TNNI3K: variants seen among roughly 807,000 people sequenced by gnomAD.
The protein encoded by TNNI3K is TNNI3 interacting kinase, also known as serine/threonine-protein kinase TNNI3K.
TNNI3K carries 140 observed loss-of-function variants against 114.5 expected under a neutral mutation model. That is an observed-to-expected ratio of 1.22 (90% confidence interval 1.07 to 1.41). The LOEUF (loss-of-function observed/expected upper bound fraction) is 1.41, where lower values mean the gene tolerates loss of function less well. TNNI3K is among the 40% of genes most tolerant of loss of function. TNNI3K has a pLI of 0.00. For synonymous variants in TNNI3K, 347 were observed against 347.5 expected (o/e 1.00, Z 0.02); for missense variants, 1,125 against 1,007.6 (o/e 1.12, Z -1.58).
chr1:74,529,518 T>C (rs1385168078), intron 23 of TNNI3K, among the ~76,000 whole-genome samples: 1 of 152,234 alleles, frequency 6.6e-6, no homozygotes, highest in Non-Finnish European at 1.5e-5. Flanking sequence ...TGATTCTGAA[T>C]TAGATTCTTT....
At chr1:74,484,643 A>G (rs1177155155) in intron 21 of TNNI3K, among the ~76,000 whole-genome samples, 1 of 152,172 alleles carries the variant, frequency 6.6e-6, no homozygotes, top group Non-Finnish European at 1.5e-5. Context: ...GGTGGAGAGG[A>G]TCCAATGCAA....
At position 74,413,242 on chromosome 1, in the gene TNNI3K, G is replaced by A. The variant is rs370457182; in HGVS notation, c.1773-22838G>A. Reference sequence around the variant, plus strand: ...TCTAAAAAGCATAGAAATAAAAGTCGATACACTCAGGCTTGTCTGAAACAA... The same window carrying A: ...TCTAAAAAGCATAGAAATAAAAGTCAATACACTCAGGCTTGTCTGAAACAA... On this transcript the variant is annotated intron_variant, in intron 17 of 24. Transcript: ENST00000326637. 1.2e-3 allele frequency among the ~76,000 whole-genome samples: 186 copies of A among 152,128 alleles called. 3 individuals are homozygous for A. The South Asian group carries it at 0.019, about 15-fold the overall frequency.
intron 23 of TNNI3K, among the ~76,000 whole-genome samples, chr1:74,532,374 C>T (rs1319080144): frequency 6.6e-6 from 1 of 152,064 alleles, no homozygotes; most frequent in African/African-American, 2.4e-5. Context: ...AATCCAAAAC[C>T]CTTTAACTTA....
At chr1:74,451,709 T>C (rs866481665) in intron 20 of TNNI3K, among the ~76,000 whole-genome samples, 9 of 76,430 alleles carry the variant, frequency 1.2e-4, no homozygotes, top group Middle Eastern at 7.9e-3. Flanking sequence ...CTTTCTTTCT[T>C]TCTTTCTTTC....
At chr1:74,345,054 T>C (rs1193173861) in intron 9 of TNNI3K, among the ~76,000 whole-genome samples, 1 of 152,114 alleles carries the variant, frequency 6.6e-6, no homozygotes, top group Non-Finnish European at 1.5e-5. Context: ...CATGTATGTA[T>C]GCATGTATAT....
chr1:74,354,146 C>T lies in TNNI3K; in HGVS notation c.1177+17C>T, dbSNP rs370672244. 32 of 1,613,526 alleles carry T rather than the reference C, an allele frequency of 2.0e-5. No individual in the cohort carries two copies. The East Asian group carries it at 3.8e-4, about 19-fold the overall frequency. On this transcript the variant is annotated intron_variant, in intron 11 of 24. Transcript: ENST00000326637. ...ATGAAAAAGGTATATTTTTAATCAT[C>T]GTGTCTCTATAGTGATACATTGAAC...
intron 17 of TNNI3K, chr1:74,373,918 G>A (rs1465999788): frequency 6.6e-6 from 1 of 151,898 alleles, no homozygotes; most frequent in Admixed American, 6.6e-5. Flanking sequence ...CAGGGGATTG[G>A]TTCCAGGACC....
At chr1:74,352,014 G>T (rs1661377055) in intron 9 of TNNI3K, among the ~76,000 whole-genome samples, 1 of 152,178 alleles carries the variant, frequency 6.6e-6, no homozygotes, top group Non-Finnish European at 1.5e-5. Flanking sequence ...CTGGTGAGGA[G>T]CTGTGTTCCT....
chr1:74,509,757 T>C (rs1485946882), intron 23 of TNNI3K, among the ~76,000 whole-genome samples: 48 of 128,006 alleles, frequency 3.7e-4, no homozygotes, highest in African/African-American at 1.0e-3. Flanking sequence ...CTTTTTTTTT[T>C]TTTTTTTTTT....
At chr1:74,277,576 AAC>A (rs937818129) in intron 5 of TNNI3K, among the ~76,000 whole-genome samples, 2 of 152,096 alleles carry the variant, frequency 1.3e-5, no homozygotes, top group Admixed American at 6.5e-5. Context: ...ATGAGCACAC[AAC>A]ACACACACAC....
intron 6 of TNNI3K, among the ~76,000 whole-genome samples, chr1:74,332,494 G>T (rs1189827768): frequency 2.0e-5 from 3 of 151,956 alleles, no homozygotes; most frequent in Non-Finnish European, 4.4e-5. Flanking sequence ...TAGAGACGGG[G>T]TTTCACCATG....
At chr1:74,533,281 C>T (rs1447968636) in intron 23 of TNNI3K, among the ~76,000 whole-genome samples, 3 of 152,130 alleles carry the variant, frequency 2.0e-5, no homozygotes, top group Non-Finnish European at 4.4e-5. Flanking sequence ...CAAAAGAAGA[C>T]ATTTATGCAG....
At chr1:74,535,135 C>G (rs1049343171) in intron 23 of TNNI3K, among the ~76,000 whole-genome samples, 1 of 152,122 alleles carries the variant, frequency 6.6e-6, no homozygotes, top group Non-Finnish European at 1.5e-5. Context: ...CTCTGCCTTT[C>G]CAACATGCCA....
At position 74,236,202 on chromosome 1, in the gene TNNI3K, T is replaced by C. The variant is rs767822797; in HGVS notation, c.141T>C (p.Asn47=). 45 of 1,604,264 alleles carry C rather than the reference T, an allele frequency of 2.8e-5. No homozygotes were observed. The Admixed American group carries it at 7.6e-4, about 27-fold the overall frequency. Residue 47 remains asparagine (N), a synonymous_variant, in exon 2 of 25, where the codon AAT becomes AAC. Transcript: ENST00000326637. ...AAAAAGAACTGACAGAACTAAGGAA[T>C]ATATTTGGGTAAAGTTGTAAGAGTC... ...IKEKELTELR[N]IFGSDEAFSK...
intron 23 of TNNI3K, among the ~76,000 whole-genome samples, chr1:74,500,428 C>A (rs1430514377): frequency 6.6e-6 from 1 of 151,040 alleles, no homozygotes; most frequent in Non-Finnish European, 1.5e-5. Context: ...ACGGTGAAAC[C>A]CCGTCTCTAC....
intron 9 of TNNI3K, among the ~76,000 whole-genome samples, chr1:74,344,343 A>T (rs1047710970): frequency 6.6e-6 from 1 of 152,228 alleles, no homozygotes; most frequent in Non-Finnish European, 1.5e-5. Context: ...CAGAAGAGAA[A>T]ACTGAGGCTC....
intron 17 of TNNI3K, among the ~76,000 whole-genome samples, chr1:74,409,160 C>T (rs1664760531): frequency 6.6e-6 from 1 of 152,114 alleles, no homozygotes; most frequent in South Asian, 2.1e-4. Flanking sequence ...CACTGATTTG[C>T]ACTTGAGGAC....
intron 17 of TNNI3K, chr1:74,372,107 A>G (rs367648764): frequency 9.8e-6 from 1 of 101,780 alleles, no homozygotes; most frequent in Admixed American, 1.1e-4. Flanking sequence ...AAAAAAAAAA[A>G]AAAAAAAGCA....
chr1:74,284,808 G>C (rs548087172), intron 5 of TNNI3K, among the ~76,000 whole-genome samples: 1 of 152,158 alleles, frequency 6.6e-6, no homozygotes, highest in African/African-American at 2.4e-5. Context: ...CAAGCTTAGC[G>C]TTCCAATAAT....
Sources: gnomAD v4.1 joint callset for allele counts (sites outside exome capture counted in the v4.1 genomes callset) on GRCh38, gnomAD v4.1.1 for gene constraint, MANE v1.5 for transcripts, NCBI Gene and HGNC (gene_info 2026-07-23, HGNC 2026-07-21) for gene names.